ELMO1: variants seen among roughly 807,000 people sequenced by gnomAD.
ELMO1 encodes the protein engulfment and cell motility protein 1.
A neutral mutation model predicts 98.9 loss-of-function variants in ELMO1; 26 were observed. That is an observed-to-expected ratio of 0.26 (90% CI 0.19 to 0.36). The LOEUF is 0.36. Among genes scored for constraint, ELMO1 ranks in the 10% least tolerant of loss-of-function variants. The pLI is 1.00. For synonymous variants in ELMO1, 346 were observed against 346.0 expected, an observed-to-expected ratio of 1.00 and a Z score of 0.00; for missense variants, 627 against 935.2, an observed-to-expected ratio of 0.67 and a Z score of 4.30.
chr7:36,871,455 T>C (rs1320961882), intron 19 of ELMO1, among the ~76,000 whole-genome samples: 1 of 152,218 alleles, frequency 6.6e-6, no homozygotes, highest in East Asian at 1.9e-4. Flanking sequence ...GGAACCTTAA[T>C]TTAAAATAAT....
chr7:37,328,585 G>A (rs1360058823), intron 2 of ELMO1, among the ~76,000 whole-genome samples: 4 of 152,072 alleles, frequency 2.6e-5, no homozygotes, highest in Admixed American at 1.3e-4. Context: ...AGTGGGTTCT[G>A]GAGCTGGGTG....
intron 15 of ELMO1, among the ~76,000 whole-genome samples, chr7:37,063,899 GCCA>G (rs1016484460): frequency 3.0e-4 from 45 of 152,240 alleles, no homozygotes; most frequent in African/African-American, 1.0e-3. Flanking sequence ...GCCCCCTCCT[GCCA>G]CCACAACCAC....
intron 4 of ELMO1, among the ~76,000 whole-genome samples, chr7:37,290,436 A>G (rs1353597058): frequency 1.3e-5 from 2 of 152,216 alleles, no homozygotes; most frequent in East Asian, 3.8e-4. Flanking sequence ...AAAAGATGAT[A>G]AATACATCTC....
At chr7:37,236,138 G>T (rs1794447598) in intron 7 of ELMO1, among the ~76,000 whole-genome samples, 1 of 152,140 alleles carries the variant, frequency 6.6e-6, no homozygotes, top group African/African-American at 2.4e-5. Flanking sequence ...TAATCCAAAT[G>T]ATCTTAGTAA....
At position 37,162,136 on chromosome 7, in the gene ELMO1, T is replaced by C. The variant is rs574250582; in HGVS notation, c.1087-28902A>G. ...ATGTCTGATACACTCAATTCCTTCC[T>C]AGAGATCATTCTGAAGACCCAACCT... On this transcript the variant is annotated intron_variant, in intron 13 of 21. Transcript: ENST00000310758. Among the ~76,000 whole-genome samples, 10 of 151,428 alleles carry C rather than the reference T, an allele frequency of 6.6e-5. No individual in the cohort carries two copies. In the East Asian group the frequency reaches 1.8e-3, roughly 27 times the overall value.
intron 13 of ELMO1, among the ~76,000 whole-genome samples, chr7:37,193,545 GC>G (rs1209475314): frequency 1.3e-5 from 2 of 152,194 alleles, no homozygotes; most frequent in African/African-American, 2.4e-5. Flanking sequence ...CACTCGGGGG[GC>G]TCCCTGCAGG....
At chr7:36,979,277 A>T (rs1790845775) in intron 16 of ELMO1, among the ~76,000 whole-genome samples, 1 of 152,224 alleles carries the variant, frequency 6.6e-6, no homozygotes, top group South Asian at 2.1e-4. Context: ...CCCCTCCCAT[A>T]CATATTATAA....
At chr7:36,994,910 G>C (rs527850482) in intron 16 of ELMO1, among the ~76,000 whole-genome samples, 1 of 152,306 alleles carries the variant, frequency 6.6e-6, no homozygotes, top group Admixed American at 6.5e-5. Context: ...CCCAAACCCA[G>C]GCTCTATTTC....
At chr7:37,119,094 G>T (rs756995934) in intron 14 of ELMO1, among the ~76,000 whole-genome samples, 2 of 152,182 alleles carry the variant, frequency 1.3e-5, no homozygotes, top group Non-Finnish European at 2.9e-5. Context: ...AACCTCAGAG[G>T]GGTGGTGCAA....
At position 36,853,366 on chromosome 7, in the gene ELMO1, A is replaced by G. The variant is rs1371528895; in HGVS notation, c.*2185T>C. On this transcript the variant is annotated 3_prime_UTR_variant, in exon 22 of 22. Coordinates refer to ENST00000310758, the MANE Select transcript of ELMO1 (RefSeq NM_014800.11). ...ATACATTTCTTAAACCCAGTGTCTC[A>G]GGACCTCAGAGATCCTGGTCCAGAA... is the stretch of plus-strand genomic sequence containing the variant. 1.3e-5 allele frequency among the ~76,000 whole-genome samples: 2 copies of G among 152,220 alleles called. No homozygotes were observed. The highest frequency in any genetic ancestry group is 2.9e-5 in the Non-Finnish European group (2 of 68,036).
At chr7:37,032,841 A>G (rs1032066981) in intron 15 of ELMO1, among the ~76,000 whole-genome samples, 1 of 152,194 alleles carries the variant, frequency 6.6e-6, no homozygotes, top group Non-Finnish European at 1.5e-5. Flanking sequence ...GACTCTGACC[A>G]GGAGAGCAAC....
chr7:37,175,325 C>G (rs1011795647), intron 13 of ELMO1, among the ~76,000 whole-genome samples: 2 of 152,206 alleles, frequency 1.3e-5, no homozygotes, highest in African/African-American at 2.4e-5. Context: ...TACCAAATCT[C>G]TACATTTGTC....
intron 15 of ELMO1, among the ~76,000 whole-genome samples, chr7:37,031,556 C>T (rs1313065551): frequency 2.0e-5 from 3 of 152,124 alleles, no homozygotes; most frequent in African/African-American, 7.2e-5. Context: ...CCAGGGGATT[C>T]TTTTACGCCC....
intron 1 of ELMO1, among the ~76,000 whole-genome samples, chr7:37,411,149 C>G (rs1211373095): frequency 6.6e-6 from 1 of 152,210 alleles, no homozygotes; most frequent in African/African-American, 2.4e-5. Context: ...CTAATTCTAC[C>G]TTACCAATAT....
intron 2 of ELMO1, among the ~76,000 whole-genome samples, chr7:37,337,476 T>C (rs1298151117): frequency 6.6e-6 from 1 of 150,376 alleles, no homozygotes; most frequent in Non-Finnish European, 1.5e-5. Context: ...TGTATACATA[T>C]GTAACTAACC....
chr7:36,920,402 G>C (rs1444729600), intron 16 of ELMO1, among the ~76,000 whole-genome samples: 1 of 152,174 alleles, frequency 6.6e-6, no homozygotes, highest in Non-Finnish European at 1.5e-5. Context: ...TATAGTTTAT[G>C]TTTCCTAATT....
chr7:37,205,192 G>T (rs574781097), intron 13 of ELMO1, among the ~76,000 whole-genome samples: 1 of 152,254 alleles, frequency 6.6e-6, no homozygotes, highest in Admixed American at 6.5e-5. Context: ...AGCTCCCTGG[G>T]GACTTCCAAG....
chr7:36,918,602 C>A (rs1217119487), intron 16 of ELMO1, among the ~76,000 whole-genome samples: 1 of 152,170 alleles, frequency 6.6e-6, no homozygotes, highest in African/African-American at 2.4e-5. Context: ...GGGGCCAGGG[C>A]CAGGGTCCAC....
chr7:37,220,623 A>T (rs190190742), intron 10 of ELMO1, among the ~76,000 whole-genome samples: 21 of 152,364 alleles, frequency 1.4e-4, no homozygotes, highest in Admixed American at 3.3e-4. Flanking sequence ...TCCTGAAGTT[A>T]GTACAGATTG....
Sources: allele counts gnomAD v4.1 joint callset (sites outside exome capture counted in the v4.1 genomes callset), GRCh38; gene constraint gnomAD v4.1.1; transcripts MANE v1.5; gene names NCBI Gene and HGNC (gene_info 2026-07-23, HGNC 2026-07-21).